The following NELL1 variants were observed in gnomAD, a reference collection of about 807,000 sequenced individuals.
NELL1 encodes the protein neural EGFL like 1, also known as protein kinase C-binding protein NELL1.
Under a neutral mutation model 107.4 loss-of-function variants are expected in NELL1, and 76 were observed. That is an observed-to-expected ratio of 0.71 (90% CI 0.59 to 0.86). NELL1 has a LOEUF of 0.86. NELL1 is among the 40% of genes least tolerant of loss of function. NELL1 has a pLI of 0.00. For synonymous variants in NELL1, 353 were observed against 341.2 expected (o/e 1.03, Z -0.38); for missense variants, 1,024 against 1,005.5 (o/e 1.02, Z -0.25).
intron 17 of NELL1, among the ~76,000 whole-genome samples, chr11:21,569,692 G>A (rs996377701): frequency 6.6e-6 from 1 of 151,684 alleles, no homozygotes; most frequent in Non-Finnish European, 1.5e-5. Flanking sequence ...GTATGGATTC[G>A]GGTCAATGGA....
At chr11:21,549,087 T>C (rs1300774632) in intron 16 of NELL1, among the ~76,000 whole-genome samples, 2 of 151,856 alleles carry the variant, frequency 1.3e-5, no homozygotes, top group Non-Finnish European at 2.9e-5. Context: ...TAACAGGGTT[T>C]ATGAATATCC....
intron 15 of NELL1, among the ~76,000 whole-genome samples, chr11:21,462,739 G>A (rs1853929946): frequency 6.6e-6 from 1 of 151,994 alleles, no homozygotes; most frequent in African/African-American, 2.4e-5. Context: ...AGTCAAGGAG[G>A]TCTATTTTGC....
chr11:20,704,816 C>T (rs369777623), intron 2 of NELL1, among the ~76,000 whole-genome samples: 1 of 152,050 alleles, frequency 6.6e-6, no homozygotes, highest in Non-Finnish European at 1.5e-5. Context: ...TTAAGAATGT[C>T]AAGATACAAA....
chr11:21,368,465 C>T (rs1397042046), intron 14 of NELL1, among the ~76,000 whole-genome samples: 1 of 151,542 alleles, frequency 6.6e-6, no homozygotes, highest in East Asian at 1.9e-4. Flanking sequence ...GATTAACCCA[C>T]ACTGTAACAA....
At chr11:21,332,833 T>C (rs993662976) in intron 14 of NELL1, among the ~76,000 whole-genome samples, 1 of 152,036 alleles carries the variant, frequency 6.6e-6, no homozygotes, top group African/African-American at 2.4e-5. Context: ...AGAACAAACA[T>C]TTTCCTAGAA....
At chr11:21,231,849 A>G (rs1858059057) in intron 14 of NELL1, among the ~76,000 whole-genome samples, 1 of 152,268 alleles carries the variant, frequency 6.6e-6, no homozygotes, top group South Asian at 2.1e-4. Flanking sequence ...CTCAGTAAGG[A>G]AAAGTCTTGT....
rs753213425 is a variant in NELL1, at chr11:21,171,311, TACAC to T, written c.1426+57603_1426+57606del. Among the ~76,000 whole-genome samples, 5 of 151,808 alleles carry T rather than the reference TACAC, an allele frequency of 3.3e-5. 1 individual carries two copies. Among genetic ancestry groups the T allele is most frequent in the South Asian group, 4.2e-4 (2 of 4,818 alleles). On this transcript the variant is annotated intron_variant, in intron 13 of 19. Coordinates refer to ENST00000357134, the MANE Select transcript of NELL1 (RefSeq NM_006157.5). ...CTATATATAATTATACACACACACA[TACAC>T]ACACAAAGAAGAAGAAGAGAGCAAA...
chr11:20,702,189 C>T (rs1854810160), intron 2 of NELL1, among the ~76,000 whole-genome samples: 1 of 152,128 alleles, frequency 6.6e-6, no homozygotes, highest in African/African-American at 2.4e-5. Context: ...TTTCATTGAG[C>T]AGTGGTTTGT....
chr11:21,377,716 C>T (rs1851513413), intron 15 of NELL1, among the ~76,000 whole-genome samples: 1 of 152,018 alleles, frequency 6.6e-6, no homozygotes, highest in Non-Finnish European at 1.5e-5. Context: ...AGTTTTGGAA[C>T]TTGATATTGG....
At chr11:20,804,215 AT>A (rs1010802676) in intron 3 of NELL1, among the ~76,000 whole-genome samples, 2 of 151,908 alleles carry the variant, frequency 1.3e-5, no homozygotes, top group Non-Finnish European at 2.9e-5. Flanking sequence ...TGTTTCAAAA[AT>A]TTTTTTCAAT....
At chr11:21,041,921 G>A (rs562692828) in intron 12 of NELL1, among the ~76,000 whole-genome samples, 4 of 152,326 alleles carry the variant, frequency 2.6e-5, no homozygotes, top group Non-Finnish European at 4.4e-5. Flanking sequence ...TGTGTGAAGC[G>A]TGGATTCTAA....
At chr11:21,489,380 CAAAAAAAAAAAAAAAA>C (rs1163644356) in intron 15 of NELL1, among the ~76,000 whole-genome samples, 8 of 47,790 alleles carry the variant, frequency 1.7e-4, no homozygotes, top group South Asian at 1.5e-3. Context: ...GAAAGTATTT[CAAAAAAAAAAAAAAAA>C]AAAAAAAAAA....
chr11:20,972,029 G>A (rs571537785), intron 12 of NELL1, among the ~76,000 whole-genome samples: 3 of 149,506 alleles, frequency 2.0e-5, no homozygotes, highest in Admixed American at 1.3e-4. Flanking sequence ...CTGCTGGGGA[G>A]CGGGGTGGGG....
intron 12 of NELL1, among the ~76,000 whole-genome samples, chr11:21,081,097 T>C (rs1354076846): frequency 1.3e-5 from 2 of 152,116 alleles, no homozygotes; most frequent in African/African-American, 4.8e-5. Flanking sequence ...TTCCATAAAC[T>C]GTTCCAATTC....
chr11:20,937,995 G>A (rs575663432), intron 10 of NELL1, 136 bp downstream of exon 10: 22 of 731,624 alleles, frequency 3.0e-5, no homozygotes, highest in East Asian at 2.9e-4. Context: ...CGGTGGGTTG[G>A]ATTACATGAT....
intron 15 of NELL1, among the ~76,000 whole-genome samples, chr11:21,444,193 C>T (rs1853361199): frequency 6.6e-6 from 1 of 152,000 alleles, no homozygotes; most frequent in African/African-American, 2.4e-5. Context: ...GACAATAGAC[C>T]TACATTTGTC....
At chr11:21,212,841 A>C (rs779944547) in intron 13 of NELL1, among the ~76,000 whole-genome samples, 1 of 152,220 alleles carries the variant, frequency 6.6e-6, no homozygotes, top group Non-Finnish European at 1.5e-5. Context: ...TGGGCAACAT[A>C]GCACTGGAAG....
At chr11:20,940,926 G>T (rs11025823) in intron 10 of NELL1, among the ~76,000 whole-genome samples, 3 of 152,046 alleles carry the variant, frequency 2.0e-5, no homozygotes, top group Non-Finnish European at 4.4e-5. Context: ...ATCATCTGAG[G>T]TCAGGAGTTC....
chr11:20,770,908 G>T (rs1389938858), intron 2 of NELL1: 1 of 151,220 alleles, frequency 6.6e-6, no homozygotes, highest in South Asian at 2.1e-4. Context: ...AAGGTGAGAG[G>T]CTCCTGTATT....
Sources: gnomAD v4.1 joint callset for allele counts (sites outside exome capture counted in the v4.1 genomes callset) on GRCh38, gnomAD v4.1.1 for gene constraint, MANE v1.5 for transcripts, NCBI Gene and HGNC (gene_info 2026-07-23, HGNC 2026-07-21) for gene names.